The following SEMA3A variants were observed in gnomAD, a reference collection of about 807,000 sequenced individuals.
SEMA3A encodes the protein semaphorin 3A.
SEMA3A carries 29 observed loss-of-function variants against 97.9 expected under a neutral mutation model. The observed-to-expected ratio is 0.30, with a 90% CI of 0.22 to 0.40. The LOEUF (loss-of-function observed/expected upper bound fraction) is 0.40. Among genes scored for constraint, SEMA3A ranks in the 10% least tolerant of loss-of-function variants. The probability of loss-of-function intolerance (pLI) is 1.00; values close to 1 mark genes in which losing one functional copy is unlikely to be tolerated. For synonymous variants in SEMA3A, 321 were observed against 323.7 expected, an observed-to-expected ratio of 0.99 and a Z score of 0.09; for missense variants, 763 against 951.3, an observed-to-expected ratio of 0.80 and a Z score of 2.60.
At chr7:84,054,561 CT>C (rs1792860114) in intron 5 of SEMA3A, among the ~76,000 whole-genome samples, 1 of 150,804 alleles carries the variant, frequency 6.6e-6, no homozygotes, top group South Asian at 2.1e-4. Flanking sequence ...CCATCAGCTC[CT>C]TTAAGCACTT....
intron 15 of SEMA3A, among the ~76,000 whole-genome samples, chr7:83,967,590 A>G (rs1392982394): frequency 6.6e-6 from 1 of 152,058 alleles, no homozygotes; most frequent in Non-Finnish European, 1.5e-5. Context: ...CCCCATTTCT[A>G]CAAAAATACA....
intron 1 of SEMA3A, among the ~76,000 whole-genome samples, chr7:84,141,568 C>T (rs1035264476): frequency 5.9e-5 from 9 of 152,176 alleles, no homozygotes; most frequent in Non-Finnish European, 1.0e-4. Context: ...CATAGGTAAA[C>T]GTATGTCATG....
At chr7:84,453,647 GAC>G (rs1805619208) in intron 1 of SEMA3A, among the ~76,000 whole-genome samples, 1 of 152,164 alleles carries the variant, frequency 6.6e-6, no homozygotes, top group African/African-American at 2.4e-5. Flanking sequence ...TCACCAGAGA[GAC>G]ACATTCCCTG....
chr7:84,030,788 T>G (rs999271736), intron 6 of SEMA3A, among the ~76,000 whole-genome samples: 1 of 152,178 alleles, frequency 6.6e-6, no homozygotes, highest in Non-Finnish European at 1.5e-5. Context: ...TTCTCCTAGC[T>G]AACATATTTA....
At position 84,121,536 on chromosome 7, in the gene SEMA3A, T is replaced by A. The variant is rs563099648; in HGVS notation, c.333+7587A>T. 8.0e-5 allele frequency among the ~76,000 whole-genome samples: 12 copies of A among 150,562 alleles called. No individual in the cohort carries two copies. In the East Asian group the frequency reaches 2.4e-3, roughly 29 times the overall value. ...TTCATCCATGTCCCTACAAAGGACATGAACTCATCCTTTTTTTGGCTGCAT... is the reference window on the plus strand; with the variant it reads ...TTCATCCATGTCCCTACAAAGGACAAGAACTCATCCTTTTTTTGGCTGCAT... On this transcript the variant is annotated intron_variant, in intron 3 of 16. Transcript: ENST00000265362.
chr7:84,328,495 T>C (rs1801826412), intron 2 of SEMA3A, among the ~76,000 whole-genome samples: 1 of 151,970 alleles, frequency 6.6e-6, no homozygotes, highest in African/African-American at 2.4e-5. Flanking sequence ...GCTTCTTATA[T>C]GAGAAAAATA....
Position 83,980,146 on chromosome 7 carries a change from G to A in SEMA3A, c.1652+1175C>T, listed in dbSNP as rs184097212. Among the ~76,000 whole-genome samples, 631 of 152,080 alleles carry A rather than the reference G, an allele frequency of 4.1e-3. 2 individuals are homozygous for A. Among genetic ancestry groups the A allele is most frequent in the African/African-American group, 0.015 (607 of 41,472 alleles). On this transcript the variant is annotated intron_variant, in intron 14 of 16. Transcript: ENST00000265362. ...CCACCATTCTCATTTCCTAAACCCT[G>A]CTAAATGTTGAAAGAGAAAGACATC...
rs750125263 is a variant in SEMA3A, at chr7:84,125,034, AT to A, written c.333+4088del. On this transcript the variant is annotated intron_variant, in intron 3 of 16. Transcript: ENST00000265362. ...TTGAGTAGAGCTGGAAGAAAAATATATTTTTCCTTGAAATAAAATATATAAA... is the reference window on the plus strand; with the variant it reads ...TTGAGTAGAGCTGGAAGAAAAATATATTTTCCTTGAAATAAAATATATAAA... Among the ~76,000 whole-genome samples the A allele has an allele frequency of 5.9e-5, 9 of 152,084 alleles. No homozygotes were observed. In the South Asian group the frequency reaches 8.3e-4, roughly 14 times the overall value.
In SEMA3A at chr7:83,961,071, TTCTC is replaced by T. The variant is rs148797866; in HGVS notation, c.*296_*299del. 0.085 allele frequency: 28,462 copies of T among 333,870 alleles called. 1,794 individuals are homozygous for T. The highest frequency in any genetic ancestry group is 0.21 in the African/African-American group (9,771 of 45,920). 20.7% of individuals were successfully genotyped at this position (333,870 alleles called of 1,614,324 possible). On this transcript the variant is annotated 3_prime_UTR_variant, in exon 17 of 17. Transcript: ENST00000265362. ...GCAATATGGCAAATGACATTTTTAT[TTCTC>T]AGGCAAAGAAGAAAGACAAACCTGT...
chr7:84,068,655 A>G (rs755957928), intron 4 of SEMA3A, among the ~76,000 whole-genome samples: 14 of 152,098 alleles, frequency 9.2e-5, no homozygotes, highest in African/African-American at 1.4e-4. Flanking sequence ...CACTACTGAC[A>G]CAGACAGACG....
At chr7:84,463,387 T>A (rs974204481) in intron 1 of SEMA3A, among the ~76,000 whole-genome samples, 1 of 151,674 alleles carries the variant, frequency 6.6e-6, no homozygotes, top group Non-Finnish European at 1.5e-5. Flanking sequence ...TAGCTGGGAC[T>A]ACAGGCACCT....
chr7:84,291,512 T>A (rs1800745433), intron 3 of SEMA3A, among the ~76,000 whole-genome samples: 1 of 152,000 alleles, frequency 6.6e-6, no homozygotes, highest in African/African-American at 2.4e-5. Context: ...ATCAGAAAAA[T>A]GTTAAAAATT....
chr7:84,017,452 G>C (rs1584551174), intron 6 of SEMA3A, among the ~76,000 whole-genome samples: 1 of 152,082 alleles, frequency 6.6e-6, no homozygotes, highest in African/African-American at 2.4e-5. Flanking sequence ...CACAGAAAAT[G>C]AAAACCAAAT....
chr7:84,271,879 T>A (rs1334953215), intron 3 of SEMA3A, among the ~76,000 whole-genome samples: 1 of 152,068 alleles, frequency 6.6e-6, no homozygotes, highest in African/African-American at 2.4e-5. Context: ...AATAAAAAGC[T>A]TCACCTAGTT....
At chr7:84,297,150 T>A (rs1800893164) in intron 3 of SEMA3A, among the ~76,000 whole-genome samples, 1 of 152,236 alleles carries the variant, frequency 6.6e-6, no homozygotes, top group East Asian at 1.9e-4. Context: ...GCTAACTTTG[T>A]ATTTTTAGTA....
At chr7:84,148,978 T>C (rs1288604261) in intron 1 of SEMA3A, among the ~76,000 whole-genome samples, 1 of 150,454 alleles carries the variant, frequency 6.6e-6, no homozygotes, top group African/African-American at 2.4e-5. Flanking sequence ...AGGCTGTTAG[T>C]AGTTAAGTTT....
intron 6 of SEMA3A, among the ~76,000 whole-genome samples, chr7:84,033,388 G>C (rs1291249584): frequency 2.6e-5 from 4 of 152,160 alleles, no homozygotes; most frequent in Non-Finnish European, 5.9e-5. Context: ...GAAATGGTTC[G>C]AGCAGTGTTA....
chr7:84,004,116 G>A (rs765329105), intron 11 of SEMA3A, among the ~76,000 whole-genome samples: 11 of 151,994 alleles, frequency 7.2e-5, no homozygotes, highest in Non-Finnish European at 1.6e-4. Flanking sequence ...GGTTTCAGTG[G>A]AGCACTCACT....
At chr7:84,162,315 T>A (rs888469182) in intron 1 of SEMA3A, among the ~76,000 whole-genome samples, 3 of 151,948 alleles carry the variant, frequency 2.0e-5, no homozygotes, top group Non-Finnish European at 4.4e-5. Flanking sequence ...TACACAATAG[T>A]AGGATTTTAC....
Sources: gnomAD v4.1 joint callset for allele counts (sites outside exome capture counted in the v4.1 genomes callset) on GRCh38, gnomAD v4.1.1 for gene constraint, MANE v1.5 for transcripts, NCBI Gene and HGNC (gene_info 2026-07-23, HGNC 2026-07-21) for gene names.